RABGGTB: variants seen among roughly 807,000 people sequenced by gnomAD.
The protein encoded by RABGGTB is geranylgeranyl transferase type-2 subunit beta.
RABGGTB carries 20 observed loss-of-function variants against 44.5 expected under a neutral mutation model. That is an observed-to-expected ratio of 0.45 (90% CI 0.32 to 0.65). The LOEUF (loss-of-function observed/expected upper bound fraction) is 0.65. Among genes scored for constraint, RABGGTB ranks in the 30% least tolerant of loss-of-function variants. The pLI, the probability that RABGGTB is intolerant of heterozygous loss-of-function variation, is 0.05. For missense variants in RABGGTB, 302 were observed against 398.7 expected (o/e 0.76, Z 2.06); for synonymous variants, 128 against 136.7 (o/e 0.94, Z 0.44).
chr1:75,787,244 TG>T, intron 1 of RABGGTB: 1 of 637,612 alleles, frequency 1.6e-6, no homozygotes, highest in Non-Finnish European at 2.9e-6. Flanking sequence ...GTTTTGGTTT[TG>T]TTTTTGAGTC....
At chr1:75,789,403 A>T (rs767160610) in intron 3 of RABGGTB, 47 bp downstream of exon 3, 2 of 1,567,214 alleles carry the variant, frequency 1.3e-6, no homozygotes, top group Non-Finnish European at 1.8e-6. Flanking sequence ...ATGTTCTCTT[A>T]CTTCAGAGTT....
chr1:75,793,816 C>A (rs1649705194), intron 7 of RABGGTB: 2 of 328,916 alleles, frequency 6.1e-6, no homozygotes. Context: ...AAAGCAGATG[C>A]ATGCTTATCA....
At chr1:75,794,340 T>A in intron 8 of RABGGTB, 107 bp downstream of exon 8, 1 of 1,366,666 alleles carries the variant, frequency 7.3e-7, no homozygotes, top group Non-Finnish European at 9.9e-7. Flanking sequence ...TTGAAAGCAG[T>A]TTTTTTTTCT....
chr1:75,790,333 T>G (rs1649616214), intron 4 of RABGGTB: 5 of 1,228,110 alleles, frequency 4.1e-6, no homozygotes, highest in Non-Finnish European at 5.0e-6. Flanking sequence ...TAAAAACTAC[T>G]TGCTGGAAAG....
At chr1:75,794,475 T>C in intron 8 of RABGGTB, 35 bp from the exon 9 acceptor site, 1 of 1,571,150 alleles carries the variant, frequency 6.4e-7, no homozygotes, top group Non-Finnish European at 8.7e-7. Flanking sequence ...GAAGTTTTCA[T>C]TTTGTGATCT....
At chr1:75,786,244 A>C (rs1318484504), upstream of RABGGTB, 2 of 1,613,922 alleles carry the variant, frequency 1.2e-6, no homozygotes, top group Non-Finnish European at 1.7e-6. Context: ...CCAGGAACTG[A>C]CCCTGCTCTC....
At chr1:75,789,426 T>C in intron 3 of RABGGTB, 70 bp downstream of exon 3, 2 of 1,493,244 alleles carry the variant, frequency 1.3e-6, no homozygotes, top group Non-Finnish European at 1.9e-6. Context: ...AAATTGAAAC[T>C]GTATCAGGAT....
chr1:75,792,099 G>C (rs1229648231), intron 6 of RABGGTB, 82 bp from the exon 7 acceptor site: 1 of 1,208,680 alleles, frequency 8.3e-7, no homozygotes, highest in Non-Finnish European at 1.2e-6. Context: ...AAGATATAAA[G>C]TGGTGTTTTA....
Position 75,788,265 on chromosome 1 carries a change from G to A in RABGGTB, c.111+661G>A, listed in dbSNP as rs140892802. ...ATCTATCTTTATGCCCTGAATTTGG[G>A]TTAGTAGCAAACTAAGATGCACCAC... On this transcript the variant is annotated intron_variant, in intron 2 of 8. Coordinates refer to ENST00000319942, the MANE Select transcript of RABGGTB (RefSeq NM_004582.4). 5.8e-5 allele frequency: 10 copies of A among 173,708 alleles called. No homozygotes were observed. The East Asian group carries it at 1.2e-3, about 21-fold the overall frequency. The allele number at this position is 173,708 out of a possible 1,614,324, so 10.8% of individuals were successfully genotyped here.
chr1:75,790,518 G>A lies in RABGGTB; in HGVS notation c.415+461G>A, dbSNP rs564838503. ...GAAAAATCTACTTTTATAAAGTAGG[G>A]TAAGTTTATTTCATTATTAGAAATG... On this transcript the variant is annotated intron_variant, in intron 4 of 8. Transcript: ENST00000319942. 4.0e-6 allele frequency: 4 copies of A among 994,322 alleles called. No homozygotes were observed. The South Asian group carries it at 1.9e-4, about 47-fold the overall frequency. 61.6% of individuals were successfully genotyped at this position (994,322 alleles called of 1,614,324 possible). A position where few individuals can be genotyped will look rare whatever the true frequency, so the allele number is the denominator to read the frequency against.
chr1:75,794,378 A>G (rs562363210), intron 8 of RABGGTB, 132 bp from the exon 9 acceptor site: 1 of 1,304,100 alleles, frequency 7.7e-7, no homozygotes, highest in Non-Finnish European at 1.0e-6. Context: ...TGAAGGATAT[A>G]GAACAATCTT....
At chr1:75,789,850 C>G in intron 3 of RABGGTB, 102 bp from the exon 4 acceptor site, 1 of 840,594 alleles carries the variant, frequency 1.2e-6, no homozygotes, top group Non-Finnish European at 1.9e-6. Context: ...GTTATATACA[C>G]AGAGACAAAA....
chr1:75,789,659 G>A, intron 3 of RABGGTB: 2 of 596,512 alleles, frequency 3.4e-6, no homozygotes, highest in African/African-American at 1.8e-5. Context: ...AGTCTTTCTG[G>A]TACTACTGGG....
chr1:75,795,059 A>G lies in RABGGTB; in HGVS notation c.*409A>G, dbSNP rs1649738193. ...ATACATGAATTAAATGATGCACAAA[A>G]TAAATGGCTGTTGAAATTTGGAAAT... On this transcript the variant is annotated 3_prime_UTR_variant, in exon 9 of 9. Coordinates refer to ENST00000319942, the MANE Select transcript of RABGGTB (RefSeq NM_004582.4). 1 of 278,346 alleles carries G rather than the reference A, an allele frequency of 3.6e-6. No homozygotes were observed. The allele number at this position is 278,346 out of a possible 1,614,324, so 17.2% of individuals were successfully genotyped here.
At chr1:75,791,801 A>G in intron 6 of RABGGTB, 1 of 485,966 alleles carries the variant, frequency 2.1e-6, no homozygotes, top group Non-Finnish European at 3.6e-6. Flanking sequence ...TGGGTTTATA[A>G]GCACCAAAAC....
chr1:75,788,176 T>C, intron 2 of RABGGTB: 1 of 272,804 alleles, frequency 3.7e-6, no homozygotes, highest in Non-Finnish European at 7.4e-6. Flanking sequence ...GAAAATACTC[T>C]ATTAGCAATC....
At chr1:75,794,360 A>C in intron 8 of RABGGTB, 127 bp downstream of exon 8, 1 of 1,318,624 alleles carries the variant, frequency 7.6e-7, no homozygotes, top group Non-Finnish European at 1.0e-6. Flanking sequence ...TATTTATTGT[A>C]GAGTGTATGA....
chr1:75,790,307 G>A (rs1649615564), intron 4 of RABGGTB: 2 of 1,231,590 alleles, frequency 1.6e-6, no homozygotes, highest in South Asian at 4.2e-5. Context: ...ATATTTGGTG[G>A]CTTTGTAAAG....
At chr1:75,793,947 T>C in intron 7 of RABGGTB, 137 bp from the exon 8 acceptor site, 3 of 834,690 alleles carry the variant, frequency 3.6e-6, no homozygotes, top group Non-Finnish European at 5.4e-6. Context: ...AGTATATCCC[T>C]GGATTTCGTC....
Sources: allele counts gnomAD v4.1 joint callset, GRCh38; gene constraint gnomAD v4.1.1; transcripts MANE v1.5; gene names NCBI Gene and HGNC (gene_info 2026-07-23, HGNC 2026-07-21).